The following RYR3 variants were observed in gnomAD, a reference collection of about 807,000 sequenced individuals.
The protein encoded by RYR3 is ryanodine receptor 3.
Under a neutral mutation model 584.3 loss-of-function variants are expected in RYR3, and 207 were observed. The observed-to-expected ratio is 0.35, with a 90% confidence interval of 0.32 to 0.40. RYR3 has a LOEUF of 0.40. RYR3 is among the 10% of genes least tolerant of loss of function. The pLI, the probability that RYR3 is intolerant of heterozygous loss-of-function variation, is 1.00. For synonymous variants in RYR3, 2,416 were observed against 2,248.5 expected (o/e 1.07, Z -2.11); for missense variants, 5,616 against 6,089.2 (o/e 0.92, Z 2.59).
At chr15:33,431,452 T>A (rs1260002894) in intron 1 of RYR3, among the ~76,000 whole-genome samples, 1 of 152,148 alleles carries the variant, frequency 6.6e-6, no homozygotes, top group Non-Finnish European at 1.5e-5. Context: ...GAGATAAACC[T>A]AATTTCTACT....
intron 2 of RYR3, among the ~76,000 whole-genome samples, chr15:33,474,654 A>T (rs565729541): frequency 2.6e-5 from 4 of 152,206 alleles, no homozygotes; most frequent in Non-Finnish European, 5.9e-5. Context: ...ACCCACCATC[A>T]CACCCTCTAA....
chr15:33,660,950 T>A (rs546671401), intron 34 of RYR3, among the ~76,000 whole-genome samples: 1 of 152,268 alleles, frequency 6.6e-6, no homozygotes, highest in African/African-American at 2.4e-5. Context: ...AATAATGAGA[T>A]TGTATAAGTA....
chr15:33,803,390 C>T (rs1457885129), intron 69 of RYR3, among the ~76,000 whole-genome samples: 1 of 152,232 alleles, frequency 6.6e-6, no homozygotes, highest in Non-Finnish European at 1.5e-5. Context: ...TTTTTCAAAT[C>T]CACCTTTCGG....
chr15:33,433,562 T>A (rs78655228), intron 1 of RYR3, among the ~76,000 whole-genome samples: 16 of 152,272 alleles, frequency 1.1e-4, no homozygotes, highest in Non-Finnish European at 2.2e-4. Flanking sequence ...CGTAGGAGTA[T>A]GAAAAAGGGT....
intron 2 of RYR3, among the ~76,000 whole-genome samples, chr15:33,500,026 C>T (rs1217229147): frequency 6.6e-6 from 1 of 152,194 alleles, no homozygotes; most frequent in Non-Finnish European, 1.5e-5. Context: ...ATCAGCACCA[C>T]ACTCCTGGAT....
At chr15:33,548,690 A>G (rs895360452) in intron 9 of RYR3, among the ~76,000 whole-genome samples, 2 of 152,246 alleles carry the variant, frequency 1.3e-5, no homozygotes, top group East Asian at 3.8e-4. Flanking sequence ...TTTCAGAGAC[A>G]GTTTTGTCCC....
intron 38 of RYR3, among the ~76,000 whole-genome samples, chr15:33,692,848 A>G (rs763643473): frequency 3.9e-5 from 6 of 152,134 alleles, no homozygotes; most frequent in Non-Finnish European, 5.9e-5. Flanking sequence ...TTTTTGAGTC[A>G]GTGTGAGGCT....
At chr15:33,757,833 C>T in intron 60 of RYR3, 1 of 533,968 alleles carries the variant, frequency 1.9e-6, no homozygotes, top group Non-Finnish European at 3.4e-6. Context: ...ATAATTAAAT[C>T]AACATCGGGA....
At chr15:33,616,285 C>T (rs2060446794) in intron 19 of RYR3, among the ~76,000 whole-genome samples, 1 of 152,182 alleles carries the variant, frequency 6.6e-6, no homozygotes, top group Non-Finnish European at 1.5e-5. Context: ...TCAAATGTTG[C>T]ATAATGATTC....
intron 34 of RYR3, among the ~76,000 whole-genome samples, chr15:33,660,813 G>C (rs549495459): frequency 9.8e-4 from 149 of 152,260 alleles, no homozygotes; most frequent in South Asian, 4.4e-3. Flanking sequence ...ATTATGGCTG[G>C]GGTTCAATCC....
intron 69 of RYR3, among the ~76,000 whole-genome samples, chr15:33,803,664 G>A (rs1364429085): frequency 2.6e-5 from 4 of 152,050 alleles, no homozygotes; most frequent in Non-Finnish European, 4.4e-5. Flanking sequence ...ACAGGCGCAC[G>A]CCACCACACC....
chr15:33,585,336 T>G (rs981308106), intron 15 of RYR3, among the ~76,000 whole-genome samples: 1 of 152,190 alleles, frequency 6.6e-6, no homozygotes, highest in Non-Finnish European at 1.5e-5. Context: ...TAAAACTAAT[T>G]AAGCTATTAG....
At chr15:33,779,506 G>A (rs573384443) in intron 64 of RYR3, among the ~76,000 whole-genome samples, 1 of 152,226 alleles carries the variant, frequency 6.6e-6, no homozygotes, top group East Asian at 1.9e-4. Context: ...TGGTGCTTTG[G>A]TGTGCTACCT....
chr15:33,349,258 G>T (rs999136058), intron 1 of RYR3, among the ~76,000 whole-genome samples: 3 of 152,080 alleles, frequency 2.0e-5, no homozygotes, highest in African/African-American at 7.2e-5. Context: ...TACACGTTTT[G>T]TGTAGACATA....
chr15:33,748,036 C>A, intron 53 of RYR3, 78 bp from the exon 54 acceptor site: 2 of 1,389,332 alleles, frequency 1.4e-6, no homozygotes, highest in Non-Finnish European at 2.0e-6. Flanking sequence ...CAGTGGGATG[C>A]ACCTTCCATG....
intron 60 of RYR3, among the ~76,000 whole-genome samples, chr15:33,762,870 C>G (rs2072624142): frequency 6.6e-6 from 1 of 152,178 alleles, no homozygotes; most frequent in South Asian, 2.1e-4. Context: ...TCACACTATG[C>G]TACAAGGCTA....
rs139932195 is a variant in RYR3, at chr15:33,439,033, T to TA, written c.52-34378dup. Among the ~76,000 whole-genome samples, 1,061 of 152,114 alleles carry TA rather than the reference T, an allele frequency of 7.0e-3. 11 individuals are homozygous for TA. The highest frequency in any genetic ancestry group is 0.024 in the African/African-American group (989 of 41,510). The stretch of plus-strand genomic sequence containing the variant: ...ATTAGTAACTTGAAGTTCAAAATGT[T>TA]AAAAAAAACTAATAAAAAGTTCTGT... On this transcript the variant is annotated intron_variant, in intron 1 of 103. Coordinates refer to ENST00000634891, the MANE Select transcript of RYR3 (RefSeq NM_001036.6).
chr15:33,643,432 T>A (rs138089544), intron 27 of RYR3, among the ~76,000 whole-genome samples: 132 of 152,266 alleles, frequency 8.7e-4, no homozygotes, highest in Non-Finnish European at 1.4e-3. Context: ...TTGGTCTGTT[T>A]TGAGTGGTAG....
chr15:33,433,217 G>A (rs1026808250), intron 1 of RYR3, among the ~76,000 whole-genome samples: 3 of 152,154 alleles, frequency 2.0e-5, no homozygotes, highest in Admixed American at 1.3e-4. Context: ...GGGTTGGACC[G>A]AGGGGTCCCT....
Sources: gnomAD v4.1 joint callset for allele counts (sites outside exome capture counted in the v4.1 genomes callset) on GRCh38, gnomAD v4.1.1 for gene constraint, MANE v1.5 for transcripts, NCBI Gene and HGNC (gene_info 2026-07-23, HGNC 2026-07-21) for gene names.